ABLIM1: variants seen among roughly 807,000 people sequenced by gnomAD.
ABLIM1 encodes actin-binding LIM protein 1.
A neutral mutation model predicts 107.0 loss-of-function variants in ABLIM1; 40 were observed. That is an observed-to-expected ratio of 0.37 (90% CI 0.29 to 0.49). The LOEUF (loss-of-function observed/expected upper bound fraction) is 0.49, where lower values mean the gene tolerates loss of function less well. Among genes scored for constraint, ABLIM1 ranks in the 20% least tolerant of loss-of-function variants. The pLI is 0.97. For synonymous variants in ABLIM1, 357 were observed against 357.3 expected, an observed-to-expected ratio of 1.00 and a Z score of 0.01; for missense variants, 857 against 1,008.5, an observed-to-expected ratio of 0.85 and a Z score of 2.04.
chr10:114,443,918 T>C, intron 17 of ABLIM1, 111 bp downstream of exon 17: 1 of 845,596 alleles, frequency 1.2e-6, no homozygotes, highest in East Asian at 2.6e-5. Flanking sequence ...CCACACTTCC[T>C]TTCCCGTGGA....
intron 2 of ABLIM1, among the ~76,000 whole-genome samples, chr10:114,579,297 G>A (rs2073063074): frequency 6.6e-6 from 1 of 152,152 alleles, no homozygotes; most frequent in Admixed American, 6.5e-5. Flanking sequence ...TATGGAGCTG[G>A]TATTAAAAAG....
At chr10:114,715,406 G>A (rs1210661132) in intron 1 of ABLIM1, among the ~76,000 whole-genome samples, 2 of 152,148 alleles carry the variant, frequency 1.3e-5, no homozygotes, top group African/African-American at 2.4e-5. Context: ...AACAAGCCTG[G>A]AAGTTTGGGA....
At chr10:114,791,780 C>T in the ABLIM1 span, among the ~76,000 whole-genome samples, 1 of 151,962 alleles carries the variant, frequency 6.6e-6, no homozygotes, top group Non-Finnish European at 1.5e-5. Flanking sequence ...TACATGAAGA[C>T]CCCAATCAGA....
intron 4 of ABLIM1, among the ~76,000 whole-genome samples, chr10:114,561,815 C>T (rs1421372652): frequency 6.6e-6 from 1 of 152,194 alleles, no homozygotes; most frequent in Non-Finnish European, 1.5e-5. Context: ...TAGCTTTCCA[C>T]CTACTGAAAG....
chr10:114,484,277 T>C (rs542820073), intron 8 of ABLIM1, among the ~76,000 whole-genome samples: 1 of 152,178 alleles, frequency 6.6e-6, no homozygotes, highest in Non-Finnish European at 1.5e-5. Context: ...TAAGATTAGC[T>C]ACCTCGCAGG....
At chr10:114,738,544 T>C (rs2082227489) in intron 1 of ABLIM1, among the ~76,000 whole-genome samples, 1 of 152,114 alleles carries the variant, frequency 6.6e-6, no homozygotes, top group South Asian at 2.1e-4. Flanking sequence ...GAAAAAATAA[T>C]GACAAAATCC....
intron 1 of ABLIM1, among the ~76,000 whole-genome samples, chr10:114,644,313 A>ATGTATATATACAATTG: frequency 8.7e-6 from 1 of 114,334 alleles, no homozygotes; most frequent in African/African-American, 4.6e-5. Flanking sequence ...AAAAATATAT[A>ATGTATATATACAATTG]TATATATATA....
intron 4 of ABLIM1, among the ~76,000 whole-genome samples, chr10:114,565,605 G>A (rs747754663): frequency 2.0e-5 from 3 of 151,942 alleles, no homozygotes; most frequent in Non-Finnish European, 2.9e-5. Context: ...TCTTTCCTAC[G>A]CTCCCTTGGC....
At chr10:114,518,199 T>C (rs544041400) in intron 6 of ABLIM1, among the ~76,000 whole-genome samples, 77 of 152,252 alleles carry the variant, frequency 5.1e-4, no homozygotes, top group Middle Eastern at 3.4e-3. Context: ...GATACAGAAC[T>C]CTACATCCTA....
chr10:114,436,377 G>A lies in ABLIM1; in HGVS notation c.2224-4C>T. 1.3e-6 allele frequency: 2 copies of A among 1,598,372 alleles called. No individual in the cohort carries two copies. The highest frequency in any genetic ancestry group is 3.6e-5 in the Admixed American group (2 of 56,166). ...ACACTTCAGGGGCTAAGTGGCGCTG[G>A]GAAGAAGAAAAAAAAAAAAGAGCTG... On this transcript the variant is annotated splice_polypyrimidine_tract_variant and splice_region_variant and intron_variant, in intron 22 of 22. Transcript: ENST00000533213.
intron 8 of ABLIM1, among the ~76,000 whole-genome samples, chr10:114,480,220 G>T (rs1038131219): frequency 3.3e-5 from 5 of 152,132 alleles, no homozygotes; most frequent in African/African-American, 4.8e-5. Flanking sequence ...GATGTCCAGG[G>T]TAACAACAGT....
intron 6 of ABLIM1, among the ~76,000 whole-genome samples, chr10:114,493,174 C>T (rs1018949108): frequency 6.6e-6 from 1 of 152,172 alleles, no homozygotes; most frequent in African/African-American, 2.4e-5. Context: ...CATCTGAAGT[C>T]AAATGTGAGC....
chr10:114,568,339 C>T (rs1591282230), intron 4 of ABLIM1, among the ~76,000 whole-genome samples: 1 of 151,966 alleles, frequency 6.6e-6, no homozygotes, highest in African/African-American at 2.4e-5. Context: ...CCATGGCACA[C>T]GTTTACCCAT....
In ABLIM1 at chr10:114,568,461, A is replaced by G. The variant is rs186448668; in HGVS notation, c.673+2836T>C. Among the ~76,000 whole-genome samples the G allele has an allele frequency of 7.2e-5, 11 of 152,358 alleles. No individual in the cohort carries two copies. The East Asian group carries it at 2.1e-3, about 29-fold the overall frequency. The stretch of plus-strand genomic sequence containing the variant: ...AAGTCACACAGGCTAGTTTTAAAGT[A>G]TAGGGCAATTCTTGAAGAGTCACGA... On this transcript the variant is annotated intron_variant, in intron 4 of 22. Transcript: ENST00000533213.
chr10:114,448,569 C>A (rs1034975847), intron 14 of ABLIM1, among the ~76,000 whole-genome samples: 4 of 151,046 alleles, frequency 2.6e-5, no homozygotes, highest in African/African-American at 9.9e-5. Flanking sequence ...CATCTTTGGG[C>A]AAGAAGCCAC....
chr10:114,503,032 A>G (rs7096193), intron 6 of ABLIM1, among the ~76,000 whole-genome samples: 81,805 of 152,048 alleles, frequency 0.54, 23,310 homozygotes, highest in African/African-American at 0.74. Flanking sequence ...TCTTTCACTC[A>G]ACACTTTGTG....
At chr10:114,611,531 G>A (rs1468285814) in intron 1 of ABLIM1, among the ~76,000 whole-genome samples, 1 of 151,496 alleles carries the variant, frequency 6.6e-6, no homozygotes, top group Non-Finnish European at 1.5e-5. Flanking sequence ...CCGTGGCTAC[G>A]TGATAGGTCC....
At chr10:114,796,898 C>T in the ABLIM1 span, among the ~76,000 whole-genome samples, 4 of 152,302 alleles carry the variant, frequency 2.6e-5, no homozygotes, top group African/African-American at 4.8e-5. Flanking sequence ...CATCATCTTA[C>T]GACCTGCATA....
At chr10:114,499,620 CTTTAT>C (rs1214559617) in intron 6 of ABLIM1, among the ~76,000 whole-genome samples, 1 of 151,862 alleles carries the variant, frequency 6.6e-6, no homozygotes, top group Non-Finnish European at 1.5e-5. Context: ...ATATGAGTGT[CTTTAT>C]TTTATAAGCA....
Sources: gnomAD v4.1 joint callset for allele counts (sites outside exome capture counted in the v4.1 genomes callset) on GRCh38, gnomAD v4.1.1 for gene constraint, MANE v1.5 for transcripts, NCBI Gene and HGNC (gene_info 2026-07-23, HGNC 2026-07-21) for gene names.